BIRC6: variants seen among roughly 807,000 people sequenced by gnomAD.
The protein encoded by BIRC6 is dual E2 ubiquitin-conjugating enzyme/E3 ubiquitin-protein ligase BIRC6.
A neutral mutation model predicts 503.3 loss-of-function variants in BIRC6; 98 were observed. That is an observed-to-expected ratio of 0.19 (90% CI 0.17 to 0.23). BIRC6 has a LOEUF of 0.23. Ranked by LOEUF, BIRC6 falls within the 10% of genes least tolerant of loss-of-function variation. The pLI is 1.00. For synonymous variants in BIRC6, 2,240 were observed against 2,078.7 expected (o/e 1.08, Z -2.11); for missense variants, 5,360 against 5,806.0 (o/e 0.92, Z 2.50).
At chr2:32,419,615 A>G (rs2042731312) in intron 10 of BIRC6, among the ~76,000 whole-genome samples, 1 of 152,152 alleles carries the variant, frequency 6.6e-6, no homozygotes, top group Admixed American at 6.5e-5. Flanking sequence ...CAGTTATGAT[A>G]CTTGACAAAA....
chr2:32,472,967 G>A, intron 32 of BIRC6, 145 bp from the exon 33 acceptor site: 1 of 630,092 alleles, frequency 1.6e-6, no homozygotes, highest in South Asian at 2.4e-5. Flanking sequence ...AGATCTTCTA[G>A]CAATTTCTTT....
chr2:32,537,414 C>G (rs111994577), intron 61 of BIRC6, among the ~76,000 whole-genome samples: 6,332 of 152,252 alleles, frequency 0.042, 186 homozygotes, highest in Non-Finnish European at 0.066. Flanking sequence ...CAAACTGTCT[C>G]TCAGACCACA....
chr2:32,446,603 C>T (rs1292393376), intron 21 of BIRC6, among the ~76,000 whole-genome samples: 1 of 152,016 alleles, frequency 6.6e-6, no homozygotes, highest in Non-Finnish European at 1.5e-5. Flanking sequence ...AGTCTTAGTA[C>T]CTTAGTTGCC....
At chr2:32,599,199 C>CA (rs1328003160) in intron 69 of BIRC6, among the ~76,000 whole-genome samples, 1 of 151,358 alleles carries the variant, frequency 6.6e-6, no homozygotes, top group Non-Finnish European at 1.5e-5. Context: ...CATGGTGGTG[C>CA]ATGCCTGTAA....
intron 45 of BIRC6, among the ~76,000 whole-genome samples, chr2:32,496,071 G>C (rs1391762728): frequency 1.3e-5 from 2 of 152,048 alleles, no homozygotes; most frequent in African/African-American, 2.4e-5. Context: ...TTGATCTCCT[G>C]ACCTCGTGAT....
intron 66 of BIRC6, among the ~76,000 whole-genome samples, chr2:32,585,640 A>T (rs888594825): frequency 2.6e-5 from 4 of 152,186 alleles, no homozygotes; most frequent in African/African-American, 9.6e-5. Flanking sequence ...TTGGCCTCCC[A>T]AAGTGCTGGG....
chr2:32,470,397 G>A, intron 31 of BIRC6, 96 bp downstream of exon 31: 2 of 1,185,656 alleles, frequency 1.7e-6, no homozygotes, highest in Non-Finnish European at 2.3e-6. Context: ...ATAATTATTT[G>A]CAGCACATTT....
At chr2:32,411,338 C>T (rs1287646829) in intron 9 of BIRC6, among the ~76,000 whole-genome samples, 1 of 151,514 alleles carries the variant, frequency 6.6e-6, no homozygotes, top group Non-Finnish European at 1.5e-5. Context: ...CACGCCCAGC[C>T]TTGAGCACTT....
chr2:32,397,242 G>A (rs892988369), intron 6 of BIRC6, among the ~76,000 whole-genome samples: 5 of 151,628 alleles, frequency 3.3e-5, no homozygotes, highest in African/African-American at 7.3e-5. Context: ...AGGCCGAGGC[G>A]GGTGGATCAC....
intron 45 of BIRC6, among the ~76,000 whole-genome samples, chr2:32,494,232 C>CTT (rs201204825): frequency 1.4e-5 from 2 of 144,066 alleles, no homozygotes; most frequent in Non-Finnish European, 1.5e-5. Flanking sequence ...CTGATGAAAA[C>CTT]TTTTTTTTTT....
chr2:32,609,310 T>A (rs2062691664), intron 72 of BIRC6, among the ~76,000 whole-genome samples: 1 of 151,982 alleles, frequency 6.6e-6, no homozygotes, highest in African/African-American at 2.4e-5. Context: ...TGTGTGTGTG[T>A]GTAGCTTTTT....
chr2:32,441,434 T>C lies in BIRC6; in HGVS notation c.3916T>C (p.Phe1306Leu), dbSNP rs2045419629. 6.2e-7 allele frequency: 1 copy of C among 1,610,054 alleles called. No homozygotes were observed. The highest frequency in any genetic ancestry group is 1.7e-5 in the Admixed American group (1 of 59,700). Reference protein sequence around the residue: ...LQEVSVTIRRFKKTSISKERV... With the variant: ...LQEVSVTIRRLKKTSISKERV... ...AGAGGTCTCAGTCACCATTCGAAGA[T>C]TTAAGAAAACCTCAATTTCTAAGGA... is the stretch of plus-strand genomic sequence containing the variant. The change falls in exon 17 of 74, where the codon TTT becomes CTT. Residue 1306 changes from phenylalanine to leucine, a missense_variant. Transcript: ENST00000421745.
chr2:32,416,931 G>A (rs1490573856), intron 10 of BIRC6, among the ~76,000 whole-genome samples: 3 of 151,930 alleles, frequency 2.0e-5, no homozygotes, highest in African/African-American at 7.3e-5. Context: ...CCGCTCCCAG[G>A]TTCAAGCAAT....
At position 32,369,967 on chromosome 2, in the gene BIRC6, T is replaced by G. The variant is rs1486542596; in HGVS notation, c.326-7621T>G. 1.3e-4 allele frequency among the ~76,000 whole-genome samples: 8 copies of G among 60,518 alleles called. 1 individual carries two copies. In the Admixed American group the frequency reaches 1.9e-3, roughly 15 times the overall value. 39.7% of individuals were successfully genotyped at this position (60,518 alleles called of 152,430 possible). A position where few individuals can be genotyped will look rare whatever the true frequency, so the allele number is the denominator to read the frequency against. ...AAAAATATATATATATATATATATA[T>G]ATATATATATATATATATGTATGTA... is the stretch of plus-strand genomic sequence containing the variant. On this transcript the variant is annotated intron_variant, in intron 1 of 73. Transcript: ENST00000421745.
chr2:32,569,166 T>C (rs991010569), intron 65 of BIRC6, among the ~76,000 whole-genome samples: 1 of 151,848 alleles, frequency 6.6e-6, no homozygotes, highest in African/African-American at 2.4e-5. Context: ...ATTTTTGTAT[T>C]TTAGTAGAGA....
intron 39 of BIRC6, among the ~76,000 whole-genome samples, chr2:32,485,175 G>C (rs894890029): frequency 2.6e-5 from 4 of 151,866 alleles, no homozygotes; most frequent in African/African-American, 9.7e-5. Context: ...TCCTCGTGGT[G>C]GACAGAGCTA....
chr2:32,362,273 T>C (rs1427466814), intron 1 of BIRC6, among the ~76,000 whole-genome samples: 1 of 152,162 alleles, frequency 6.6e-6, no homozygotes, highest in Non-Finnish European at 1.5e-5. Context: ...GAGCATCTTT[T>C]CATATGCTTA....
chr2:32,553,516 T>G (rs1349646605), intron 65 of BIRC6, among the ~76,000 whole-genome samples: 1 of 151,800 alleles, frequency 6.6e-6, no homozygotes, highest in Non-Finnish European at 1.5e-5. Context: ...GCCACCCGAG[T>G]AGCTGGGACT....
intron 57 of BIRC6, chr2:32,522,307 G>A (rs1290662558): frequency 6.6e-6 from 1 of 151,208 alleles, no homozygotes; most frequent in African/African-American, 2.4e-5. Flanking sequence ...TACTTTTTGG[G>A]GTGCTGAATA....
Sources: gnomAD v4.1 joint callset for allele counts (sites outside exome capture counted in the v4.1 genomes callset) on GRCh38, gnomAD v4.1.1 for gene constraint, MANE v1.5 for transcripts, NCBI Gene and HGNC (gene_info 2026-07-23, HGNC 2026-07-21) for gene names.